LGMN: variants seen among roughly 807,000 people sequenced by gnomAD.
LGMN encodes asparaginyl endopeptidase.
LGMN carries 36 observed loss-of-function variants against 56.8 expected under a neutral mutation model. The ratio of observed to expected loss-of-function variants is 0.63; its 90% CI spans 0.49 to 0.84. The LOEUF is 0.84. Ranked by LOEUF, LGMN falls within the 40% of genes least tolerant of loss-of-function variation. The pLI is 0.00. For synonymous variants in LGMN, 199 were observed against 210.1 expected, an observed-to-expected ratio of 0.95 and a Z score of 0.46; for missense variants, 446 against 556.1, an observed-to-expected ratio of 0.80 and a Z score of 1.99.
At chr14:92,713,524 C>T (rs1329055694) in intron 7 of LGMN, among the ~76,000 whole-genome samples, 1 of 152,130 alleles carries the variant, frequency 6.6e-6, no homozygotes, top group Non-Finnish European at 1.5e-5. Context: ...AAGTGTGGGC[C>T]GAAGACCAGC....
chr14:92,742,354 A>G (rs1432732469), intron 1 of LGMN, among the ~76,000 whole-genome samples: 3 of 139,824 alleles, frequency 2.1e-5, no homozygotes, highest in East Asian at 2.1e-4. Context: ...ATGGAGTGCA[A>G]TGGAGTGATC....
intron 2 of LGMN, among the ~76,000 whole-genome samples, chr14:92,726,151 C>T (rs750701134): frequency 1.3e-5 from 2 of 151,358 alleles, no homozygotes; most frequent in Non-Finnish European, 2.9e-5. Context: ...ACAGGAGAAT[C>T]GCTTAAACCC....
chr14:92,728,322 C>T (rs1890847531), intron 2 of LGMN, among the ~76,000 whole-genome samples: 1 of 152,160 alleles, frequency 6.6e-6, no homozygotes, highest in Admixed American at 6.5e-5. Flanking sequence ...GGTTCACGCT[C>T]CTATTAGAAT....
At chr14:92,719,763 T>G (rs185791293) in intron 2 of LGMN, among the ~76,000 whole-genome samples, 36 of 152,306 alleles carry the variant, frequency 2.4e-4, no homozygotes, top group Admixed American at 2.2e-3. Context: ...CACGCAAGGG[T>G]GAAGACAGGC....
chr14:92,713,860 G>A lies in LGMN; in HGVS notation c.506C>T (p.Thr169Ile), dbSNP rs1889924928. Reference sequence around the variant, plus strand: ...TTTGTGTTTGTACATGTAATGGATGGTCTCATTCAGGTCCTTTACATGAAG... The same window carrying A: ...TTTGTGTTTGTACATGTAATGGATGATCTCATTCAGGTCCTTTACATGAAG... ...EDLHVKDLNE[T>I]IHYMYKHKMY... Residue 169 changes from threonine (T) to isoleucine (I), a missense_variant, in exon 7 of 14, where the codon ACC becomes ATC. By Grantham distance (89) the Thr-to-Ile change is moderately conservative (BLOSUM62 -1). Transcript: ENST00000334869. The A allele has an allele frequency of 2.5e-6, 4 of 1,612,980 alleles. No individual in the cohort carries two copies. In the South Asian group the frequency reaches 4.4e-5, roughly 18 times the overall value.
At position 92,707,351 on chromosome 14, in the gene LGMN, C is replaced by A. The variant is rs113423959; in HGVS notation, c.1021-698G>T. 2.8e-3 allele frequency among the ~76,000 whole-genome samples: 424 copies of A among 152,344 alleles called. 5 individuals carry two copies. The highest frequency in any genetic ancestry group is 9.8e-3 in the African/African-American group (408 of 41,566). ...TCTGAATTCCACAAAGACCCTCCAC[C>A]CACTGTGTGTTAGACCAGCAGTTCT... is the stretch of plus-strand genomic sequence containing the variant. On this transcript the variant is annotated intron_variant, in intron 11 of 13. Transcript: ENST00000334869.
At position 92,704,283 on chromosome 14, in the gene LGMN, C is replaced by T. The variant is rs376033830; in HGVS notation, c.*36G>A. ...TCTGATCAGCACACAGTCGGTGGGGCGCTCACACTTGGAAAAGCTTCCAGG... is the reference window on the plus strand; with the variant it reads ...TCTGATCAGCACACAGTCGGTGGGGTGCTCACACTTGGAAAAGCTTCCAGG... On this transcript the variant is annotated 3_prime_UTR_variant, in exon 14 of 14. Coordinates refer to ENST00000334869, the MANE Select transcript of LGMN (RefSeq NM_005606.7). The T allele has an allele frequency of 2.4e-5, 38 of 1,613,752 alleles. 1 individual carries two copies. The highest frequency in any genetic ancestry group is 2.8e-5 in the Non-Finnish European group (33 of 1,179,844).
intron 2 of LGMN, among the ~76,000 whole-genome samples, chr14:92,730,867 C>G (rs1288974202): frequency 6.6e-6 from 1 of 151,064 alleles, no homozygotes; most frequent in Non-Finnish European, 1.5e-5. Flanking sequence ...GAGGTGGAAG[C>G]TGCAGTGAGC....
chr14:92,731,667 T>C (rs1426182228), intron 2 of LGMN, among the ~76,000 whole-genome samples: 1 of 152,234 alleles, frequency 6.6e-6, no homozygotes, highest in African/African-American at 2.4e-5. Context: ...CTTACATGAA[T>C]AAATCACATT....
At chr14:92,747,949 C>G (rs144640472) in intron 1 of LGMN, among the ~76,000 whole-genome samples, 1 of 152,114 alleles carries the variant, frequency 6.6e-6, no homozygotes, top group Non-Finnish European at 1.5e-5. Context: ...AAGATTGAAG[C>G]GGGTGGTCCT....
At chr14:92,719,206 ACCACCG>A (rs1351528786) in intron 2 of LGMN, among the ~76,000 whole-genome samples, 2 of 117,128 alleles carry the variant, frequency 1.7e-5, no homozygotes, top group East Asian at 2.7e-4. Context: ...CACCAACACC[ACCACCG>A]CCACCAACAC....
Position 92,714,566 on chromosome 14 carries a change from C to G in LGMN, c.405-115G>C. The G allele has an allele frequency of 2.7e-6, 2 of 733,110 alleles. No homozygotes were observed. Among genetic ancestry groups the G allele is most frequent in the Non-Finnish European group, 4.6e-6 (2 of 439,150 alleles). 45.4% of individuals were successfully genotyped at this position (733,110 alleles called of 1,614,324 possible). On this transcript the variant is annotated intron_variant, in intron 5 of 13. Transcript: ENST00000334869. This position sits in a 1 kb window ranked among gnomAD's most constrained non-coding sequence, Gnocchi z 5.1. ...AGTTTGGGGAGTAGAGTTGCCCAAC[C>G]AGGTTTGAAGATGAACACAAGGGCC...
At chr14:92,727,733 C>T (rs951003581) in intron 2 of LGMN, among the ~76,000 whole-genome samples, 4 of 152,156 alleles carry the variant, frequency 2.6e-5, no homozygotes, top group African/African-American at 9.7e-5. Context: ...ACCTCATCTA[C>T]TTCTGGACCC....
intron 2 of LGMN, among the ~76,000 whole-genome samples, chr14:92,731,833 A>G (rs1218462566): frequency 1.3e-5 from 2 of 152,202 alleles, no homozygotes; most frequent in Admixed American, 6.5e-5. Context: ...TTGCTGGGTC[A>G]TATGTTCAAT....
rs148659834 is a variant in LGMN, at chr14:92,709,697, G to A, written c.995C>T (p.Thr332Met). The change falls in exon 11 of 14, where the codon ACG becomes ATG. Residue 332 changes from threonine to methionine, a missense_variant. By Grantham distance (81) the Thr-to-Met change is moderately conservative (BLOSUM62 -1). Transcript: ENST00000334869. ...TNDLEESRQL[T>M]EEIQRHLDAR... ...ATCCAGATGCCGCTGGATCTCCTCC[G>A]TGAGCTGCCTGGACTCCTCCAGATC... The A allele has an allele frequency of 0.013, 21,296 of 1,613,562 alleles. 207 individuals are homozygous for A. Among genetic ancestry groups the A allele is most frequent in the Middle Eastern group, 0.028 (163 of 5,794 alleles).
chr14:92,704,422 AC>A (rs1345305368), intron 13 of LGMN, 61 bp from the exon 14 acceptor site: 2 of 1,374,474 alleles, frequency 1.5e-6, no homozygotes. Context: ...AGGCAGACAA[AC>A]GCAAACCCAC....
At chr14:92,743,425 C>T (rs972112651) in intron 1 of LGMN, among the ~76,000 whole-genome samples, 2 of 150,050 alleles carry the variant, frequency 1.3e-5, no homozygotes, top group Non-Finnish European at 3.0e-5. Context: ...ATGGCGTGCA[C>T]CCGGGAGGCG....
chr14:92,747,373 C>G (rs956901170), intron 1 of LGMN, among the ~76,000 whole-genome samples: 3 of 152,132 alleles, frequency 2.0e-5, no homozygotes, highest in Non-Finnish European at 4.4e-5. Flanking sequence ...TGCCTGTAAT[C>G]CCAGAACTCG....
intron 1 of LGMN, among the ~76,000 whole-genome samples, chr14:92,747,682 C>A (rs1891881971): frequency 6.6e-6 from 1 of 152,142 alleles, no homozygotes; most frequent in Non-Finnish European, 1.5e-5. Flanking sequence ...AATCTCTGCT[C>A]AAAAAGCTTA....
Sources: gnomAD v4.1 joint callset for allele counts (sites outside exome capture counted in the v4.1 genomes callset) on GRCh38, gnomAD v4.1.1 for gene constraint, Gnocchi (gnomAD v3.1) non-coding constraint, MANE v1.5 for transcripts, NCBI Gene and HGNC (gene_info 2026-07-23, HGNC 2026-07-21) for gene names.